The following RCOR1 variants were observed in gnomAD, a reference collection of about 807,000 sequenced individuals.
The protein encoded by RCOR1 is REST corepressor.
In RCOR1, 12 loss-of-function variants were observed where a neutral mutation model predicts 64.0. The observed-to-expected ratio is 0.19, with a 90% CI of 0.12 to 0.30. RCOR1 has a LOEUF of 0.30. Among genes scored for constraint, RCOR1 ranks in the 10% least tolerant of loss-of-function variants. RCOR1 has a pLI of 1.00. For synonymous variants in RCOR1, 279 were observed against 227.2 expected, an observed-to-expected ratio of 1.23 and a Z score of -2.05; for missense variants, 502 against 621.2, an observed-to-expected ratio of 0.81 and a Z score of 2.04.
chr14:102,673,525 CG>C (rs1309599346), intron 2 of RCOR1, among the ~76,000 whole-genome samples: 1 of 151,536 alleles, frequency 6.6e-6, no homozygotes, highest in African/African-American at 2.4e-5. Context: ...TTAGTAGAGA[CG>C]GGGTTTCACT....
intron 2 of RCOR1, among the ~76,000 whole-genome samples, chr14:102,606,174 C>T (rs2139884789): frequency 1.3e-5 from 2 of 152,298 alleles, no homozygotes; most frequent in East Asian, 3.9e-4. Flanking sequence ...GATCTGCCTG[C>T]TTCGGCCTCC....
At chr14:102,700,264 C>T (rs1188676130) in intron 3 of RCOR1, among the ~76,000 whole-genome samples, 1 of 150,922 alleles carries the variant, frequency 6.6e-6, no homozygotes, top group African/African-American at 2.5e-5. Context: ...GCTCTGTCAC[C>T]AGGCTGGAGT....
intron 2 of RCOR1, among the ~76,000 whole-genome samples, chr14:102,674,416 A>G (rs1344806429): frequency 1.3e-5 from 2 of 152,204 alleles, no homozygotes; most frequent in Non-Finnish European, 2.9e-5. Context: ...CTCCACCAAT[A>G]GTTTATACAC....
intron 2 of RCOR1, among the ~76,000 whole-genome samples, chr14:102,654,781 G>A: frequency 7.0e-6 from 1 of 143,864 alleles, no homozygotes; most frequent in Non-Finnish European, 1.5e-5. Flanking sequence ...TTTCCCTGTG[G>A]TTGAGTTTTT....
intron 2 of RCOR1, among the ~76,000 whole-genome samples, chr14:102,674,177 A>G (rs1895090881): frequency 6.6e-6 from 1 of 152,202 alleles, no homozygotes; most frequent in Non-Finnish European, 1.5e-5. Flanking sequence ...AAAAATCTCA[A>G]TTTCTGCTCT....
chr14:102,627,323 C>T (rs1894000822), intron 2 of RCOR1, among the ~76,000 whole-genome samples: 1 of 152,172 alleles, frequency 6.6e-6, no homozygotes, highest in East Asian at 1.9e-4. Flanking sequence ...TCTGTTGTAT[C>T]ATTCTTATCA....
intron 2 of RCOR1, among the ~76,000 whole-genome samples, chr14:102,608,855 A>G (rs1222896845): frequency 6.6e-6 from 1 of 151,662 alleles, no homozygotes; most frequent in Non-Finnish European, 1.5e-5. Context: ...ATGAGCCACT[A>G]CACCTGGCTC....
chr14:102,662,700 C>A (rs1225760151), intron 2 of RCOR1: 2 of 435,306 alleles, frequency 4.6e-6, no homozygotes, highest in Admixed American at 5.6e-5. Flanking sequence ...TCTTTGCTTT[C>A]GGTGCCATCT....
At chr14:102,633,538 T>G (rs865824855) in intron 2 of RCOR1, among the ~76,000 whole-genome samples, 3 of 148,668 alleles carry the variant, frequency 2.0e-5, no homozygotes, top group East Asian at 3.9e-4. Flanking sequence ...AAAATGGAGG[T>G]TTTTTTTTCT....
chr14:102,615,213 A>G (rs974728004), intron 2 of RCOR1, among the ~76,000 whole-genome samples: 9 of 143,600 alleles, frequency 6.3e-5, no homozygotes, highest in African/African-American at 2.1e-4. Flanking sequence ...GCTCACTGCA[A>G]CCTCTTCCTC....
rs563816628 is a variant in RCOR1, at chr14:102,641,932, G to A, written c.362-39963G>A. 8.5e-5 allele frequency among the ~76,000 whole-genome samples: 13 copies of A among 152,208 alleles called. No homozygotes were observed. The South Asian group carries it at 2.5e-3, about 29-fold the overall frequency. On this transcript the variant is annotated intron_variant, in intron 2 of 11. Transcript: ENST00000262241. ...ACCTTTGAACTTGTAGCTTCATAGG[G>A]AAATCATGGGAATTTGAGCAGCACT...
intron 2 of RCOR1, among the ~76,000 whole-genome samples, chr14:102,596,899 G>C (rs1893263029): frequency 1.5e-5 from 2 of 131,334 alleles, no homozygotes; most frequent in Non-Finnish European, 3.2e-5. Flanking sequence ...TTGAGACGGA[G>C]TCTTGATCTG....
At chr14:102,714,220 A>T (rs1216190676) in intron 7 of RCOR1, among the ~76,000 whole-genome samples, 2 of 152,188 alleles carry the variant, frequency 1.3e-5, no homozygotes, top group Admixed American at 6.5e-5. Context: ...AGTGGAACAC[A>T]GTTTCATTGT....
chr14:102,727,161 A>G lies in RCOR1; in HGVS notation c.*655A>G, dbSNP rs2139998788. On this transcript the variant is annotated 3_prime_UTR_variant, in exon 12 of 12. Transcript: ENST00000262241. ...TTCTCCCTTCCCAAGTGTTACAAAG[A>G]TCATTTACTGCAACTGTCGTTGGAC... is the stretch of plus-strand genomic sequence containing the variant. 1 of 152,316 alleles carries G rather than the reference A, an allele frequency of 6.6e-6. No individual in the cohort carries two copies. The highest frequency in any genetic ancestry group is 2.4e-5 in the African/African-American group (1 of 41,542). The allele number at this position is 152,316 out of a possible 1,614,324, so 9.4% of individuals were successfully genotyped here.
intron 8 of RCOR1, among the ~76,000 whole-genome samples, chr14:102,719,438 C>T (rs1360810565): frequency 2.0e-5 from 3 of 152,088 alleles, no homozygotes; most frequent in Non-Finnish European, 2.9e-5. Flanking sequence ...GTGATGTTTC[C>T]CCATCCTGTG....
chr14:102,617,299 G>A (rs888885760), intron 2 of RCOR1, among the ~76,000 whole-genome samples: 11 of 152,210 alleles, frequency 7.2e-5, no homozygotes, highest in Admixed American at 2.6e-4. Flanking sequence ...TGAGATGTAA[G>A]TAGGTATTTT....
chr14:102,695,723 T>G (rs1435535291), intron 3 of RCOR1, among the ~76,000 whole-genome samples: 1 of 151,510 alleles, frequency 6.6e-6, no homozygotes, highest in African/African-American at 2.4e-5. Context: ...TTTTTTTTTT[T>G]TTTTTTTAGT....
chr14:102,709,544 T>C (rs1243281552), intron 6 of RCOR1, among the ~76,000 whole-genome samples: 1 of 152,308 alleles, frequency 6.6e-6, no homozygotes, highest in Admixed American at 6.5e-5. Flanking sequence ...TGAGAACACA[T>C]TGAAAGTTGA....
intron 2 of RCOR1, among the ~76,000 whole-genome samples, chr14:102,653,379 C>T (rs1200467950): frequency 6.6e-6 from 1 of 152,096 alleles, no homozygotes; most frequent in Non-Finnish European, 1.5e-5. Flanking sequence ...CTACCGTGCC[C>T]AGCTAATTTT....
Sources: gnomAD v4.1 joint callset for allele counts (sites outside exome capture counted in the v4.1 genomes callset) on GRCh38, gnomAD v4.1.1 for gene constraint, MANE v1.5 for transcripts, NCBI Gene and HGNC (gene_info 2026-07-23, HGNC 2026-07-21) for gene names.